FAT3: variants seen among roughly 807,000 people sequenced by gnomAD.
FAT3 encodes the protein FAT atypical cadherin 3, also known as protocadherin Fat 3.
Under a neutral mutation model 310.2 loss-of-function variants are expected in FAT3, and 95 were observed. The observed-to-expected ratio is 0.31, with a 90% CI of 0.26 to 0.36. The LOEUF is 0.36. FAT3 is among the 10% of genes least tolerant of loss of function. The probability of loss-of-function intolerance (pLI) is 1.00; values close to 1 mark genes in which losing one functional copy is unlikely to be tolerated. For synonymous variants in FAT3, 2,314 were observed against 2,192.9 expected (o/e 1.06, Z -1.54); for missense variants, 5,408 against 5,715.6 (o/e 0.95, Z 1.74).
In FAT3 at chr11:92,706,160, T is replaced by C. The variant is rs545773734; in HGVS notation, c.3669+8715T>C. On this transcript the variant is annotated intron_variant, in intron 4 of 27. Transcript: ENST00000525166. ...GGGAGTGAGGTTTACTATTCCTAAT[T>C]TTACAGAACTGTCCAGGTTAGTATG... 7.9e-5 allele frequency among the ~76,000 whole-genome samples: 12 copies of C among 152,120 alleles called. No homozygotes were observed. The East Asian group carries it at 1.2e-3, about 15-fold the overall frequency.
intron 3 of FAT3, among the ~76,000 whole-genome samples, chr11:92,550,971 T>C (rs1954794368): frequency 6.6e-6 from 1 of 151,862 alleles, no homozygotes; most frequent in African/African-American, 2.4e-5. Context: ...TTTATTGATA[T>C]CACCTTGAAA....
Position 92,882,579 on chromosome 11 carries a change from T to TCCC in FAT3, c.12282-156_12282-154dup, listed in dbSNP as rs370925383. On this transcript the variant is annotated intron_variant, in intron 23 of 27. Coordinates refer to ENST00000525166, the MANE Select transcript of FAT3 (RefSeq NM_001367949.2). The stretch of plus-strand genomic sequence containing the variant: ...TGGCCACAGAAATGCCTAAATTAAC[T>TCCC]CCCCCTCCCCCCCCCCACCAACCAT... Among the ~76,000 whole-genome samples the TCCC allele has an allele frequency of 4.0e-3, 318 of 80,266 alleles. 1 individual carries two copies. Among genetic ancestry groups the TCCC allele is most frequent in the African/African-American group, 0.015 (255 of 17,238 alleles). The allele number at this position is 80,266 out of a possible 152,430, so 52.7% of individuals were successfully genotyped here.
At chr11:92,725,216 G>A (rs1944966201) in intron 4 of FAT3, among the ~76,000 whole-genome samples, 1 of 152,166 alleles carries the variant, frequency 6.6e-6, no homozygotes, top group Non-Finnish European at 1.5e-5. Flanking sequence ...CCCATTGCCA[G>A]TTGTTCCCAA....
chr11:92,775,943 G>A (rs181054012), intron 7 of FAT3, among the ~76,000 whole-genome samples: 28 of 152,216 alleles, frequency 1.8e-4, no homozygotes, highest in Admixed American at 3.9e-4. Context: ...GAGGTGTTAC[G>A]AGAACCACAC....
intron 3 of FAT3, among the ~76,000 whole-genome samples, chr11:92,649,906 T>C (rs61901883): frequency 0.32 from 44,527 of 139,668 alleles, 8,490 homozygotes; most frequent in Non-Finnish European, 0.35. Flanking sequence ...TATATATATA[T>C]ATATATATAT....
intron 1 of FAT3, among the ~76,000 whole-genome samples, chr11:92,328,271 T>C (rs1194427243): frequency 6.6e-6 from 1 of 152,190 alleles, no homozygotes. Context: ...GATTATTTGA[T>C]TAAAGCAGTA....
chr11:92,377,633 G>C (rs1439321285), intron 2 of FAT3, among the ~76,000 whole-genome samples: 2 of 152,132 alleles, frequency 1.3e-5, no homozygotes, highest in Non-Finnish European at 1.5e-5. Flanking sequence ...TCTTGGTTCA[G>C]GATCAGCTGT....
intron 2 of FAT3, among the ~76,000 whole-genome samples, chr11:92,444,254 TG>T (rs1449573939): frequency 1.3e-5 from 2 of 152,254 alleles, no homozygotes; most frequent in African/African-American, 4.8e-5. Context: ...ACATGCTCAT[TG>T]GGGATTTACT....
chr11:92,385,920 C>T (rs142908046), intron 2 of FAT3, among the ~76,000 whole-genome samples: 10,128 of 151,950 alleles, frequency 0.067, 1,133 homozygotes, highest in African/African-American at 0.23. Flanking sequence ...CCAAGGTGGG[C>T]GGATCACTTG....
chr11:92,681,298 G>A (rs1454242590), intron 3 of FAT3, among the ~76,000 whole-genome samples: 1 of 152,196 alleles, frequency 6.6e-6, no homozygotes, highest in Non-Finnish European at 1.5e-5. Flanking sequence ...TTTAGGTGAT[G>A]TAAGCAGAGA....
chr11:92,534,151 C>G (rs565269002), intron 3 of FAT3, among the ~76,000 whole-genome samples: 38 of 152,100 alleles, frequency 2.5e-4, no homozygotes, highest in African/African-American at 8.7e-4. Flanking sequence ...GCTGTGTGTC[C>G]CTTGTCTATC....
At chr11:92,614,483 T>A (rs1940709660) in intron 3 of FAT3, among the ~76,000 whole-genome samples, 1 of 152,226 alleles carries the variant, frequency 6.6e-6, no homozygotes, top group Non-Finnish European at 1.5e-5. Context: ...TGATTTTGAT[T>A]TCTCACATGG....
chr11:92,483,383 T>G (rs889041728), intron 2 of FAT3, among the ~76,000 whole-genome samples: 3 of 152,084 alleles, frequency 2.0e-5, no homozygotes, highest in East Asian at 3.9e-4. Context: ...TCTCCCAGGC[T>G]GGAGTGCAAT....
chr11:92,796,699 G>A (rs1399285525), intron 9 of FAT3, among the ~76,000 whole-genome samples: 1 of 152,168 alleles, frequency 6.6e-6, no homozygotes, highest in Non-Finnish European at 1.5e-5. Flanking sequence ...AGCCTGATAA[G>A]AGAAGCAAAA....
At chr11:92,859,001 G>C (rs1412198937) in intron 20 of FAT3, among the ~76,000 whole-genome samples, 164 bp from the exon 21 acceptor site, 1 of 152,128 alleles carries the variant, frequency 6.6e-6, no homozygotes, top group Non-Finnish European at 1.5e-5. Flanking sequence ...ATGTGAAATG[G>C]AAAACTGGTT....
In FAT3 at chr11:92,814,932, C is replaced by T. The variant is rs185591918; in HGVS notation, c.9481+4856C>T. Among the ~76,000 whole-genome samples the T allele has an allele frequency of 2.9e-4, 44 of 152,226 alleles. 1 individual carries two copies. Among genetic ancestry groups the T allele is most frequent in the African/African-American group, 1.1e-3 (44 of 41,536 alleles). On this transcript the variant is annotated intron_variant, in intron 13 of 27. Coordinates refer to ENST00000525166, the MANE Select transcript of FAT3 (RefSeq NM_001367949.2). ...GGATTTCCACAGTCAGGGGTAGGAA[C>T]ACATTCAGGAAGATAGGAGCCAGGA...
At chr11:92,360,976 C>G (rs773226607) in intron 2 of FAT3, among the ~76,000 whole-genome samples, 2 of 152,164 alleles carry the variant, frequency 1.3e-5, no homozygotes, top group Non-Finnish European at 2.9e-5. Flanking sequence ...CCTTGTTACA[C>G]ATATGTATTT....
At chr11:92,241,557 T>TTTTAAAA (rs1225259463) in intron 1 of FAT3, among the ~76,000 whole-genome samples, 1 of 152,122 alleles carries the variant, frequency 6.6e-6, no homozygotes, top group Non-Finnish European at 1.5e-5. Context: ...GTAATACTTA[T>TTTTAAAA]TTTAAAATTA....
chr11:92,633,657 T>C (rs1436193924), intron 3 of FAT3, among the ~76,000 whole-genome samples: 1 of 152,168 alleles, frequency 6.6e-6, no homozygotes, highest in African/African-American at 2.4e-5. Context: ...AAACCGTGTC[T>C]ACCAGGCTCT....
Sources: allele counts gnomAD v4.1 joint callset (sites outside exome capture counted in the v4.1 genomes callset), GRCh38; gene constraint gnomAD v4.1.1; transcripts MANE v1.5; gene names NCBI Gene and HGNC (gene_info 2026-07-23, HGNC 2026-07-21).